Variants in SAMD5 observed in about 807,000 individuals in gnomAD.
SAMD5 encodes the protein sterile alpha motif domain-containing protein 5.
Under a neutral mutation model 11.3 loss-of-function variants are expected in SAMD5, and 13 were observed. That is an observed-to-expected ratio of 1.15 (90% CI 0.75 to 1.83). The LOEUF (loss-of-function observed/expected upper bound fraction) is 1.83, where lower values mean the gene tolerates loss of function less well. SAMD5 is among the 40% of genes most tolerant of loss of function. SAMD5 has a pLI of 0.00. For synonymous variants in SAMD5, 129 were observed against 111.3 expected, an observed-to-expected ratio of 1.16 and a Z score of -1.00; for missense variants, 255 against 239.1, an observed-to-expected ratio of 1.07 and a Z score of -0.44.
intron 1 of SAMD5, among the ~76,000 whole-genome samples, chr6:147,646,038 C>G (rs914810754): frequency 1.8e-4 from 20 of 112,390 alleles, no homozygotes; most frequent in Middle Eastern, 4.1e-3. Context: ...ATCTATCTAT[C>G]TATCTATCTA....
Position 147,617,041 on chromosome 6 carries a change from T to C in SAMD5, c.162+107654T>C, listed in dbSNP as rs531480312. The stretch of plus-strand genomic sequence containing the variant: ...GCAAGTTGAAATTATGGGACAAAAG[T>C]TTCTCCTTGGTAATTTAATTATTGA... On this transcript the variant is annotated intron_variant, in intron 1 of 1. Transcript: ENST00000566741. Among the ~76,000 whole-genome samples the C allele has an allele frequency of 1.0e-3, 154 of 152,278 alleles. 3 individuals are homozygous for C. The highest frequency in any genetic ancestry group is 3.4e-3 in the Middle Eastern group (1 of 294).
At chr6:147,617,389 G>A (rs1789888911) in intron 1 of SAMD5, among the ~76,000 whole-genome samples, 1 of 152,136 alleles carries the variant, frequency 6.6e-6, no homozygotes, top group African/African-American at 2.4e-5. Flanking sequence ...CCCGGAAAAA[G>A]CAACTTTTCT....
At chr6:147,534,795 C>T in intron 1 of SAMD5, among the ~76,000 whole-genome samples, 1 of 152,126 alleles carries the variant, frequency 6.6e-6, no homozygotes, top group South Asian at 2.1e-4. Context: ...ATCTTGGTCA[C>T]CTCTATCTGC....
At chr6:147,879,156 C>T in the SAMD5 span, among the ~76,000 whole-genome samples, 2 of 152,172 alleles carry the variant, frequency 1.3e-5, no homozygotes, top group African/African-American at 4.8e-5. Context: ...ACTGTTACTG[C>T]CCCCTGTTTT....
chr6:147,810,103 G>A, the SAMD5 span, among the ~76,000 whole-genome samples: 1 of 152,082 alleles, frequency 6.6e-6, no homozygotes, highest in South Asian at 2.1e-4. Context: ...AAAATGAGAG[G>A]TATTTTGATT....
the SAMD5 span, among the ~76,000 whole-genome samples, chr6:147,913,894 C>T: frequency 1.3e-5 from 2 of 152,156 alleles, no homozygotes; most frequent in South Asian, 4.1e-4. Flanking sequence ...TGCGTGCTTC[C>T]TAATTCACTC....
At chr6:147,649,329 G>T (rs955198075) in intron 1 of SAMD5, among the ~76,000 whole-genome samples, 1 of 152,114 alleles carries the variant, frequency 6.6e-6, no homozygotes, top group African/African-American at 2.4e-5. Context: ...CATATGCTTA[G>T]CTGACTTCCA....
At chr6:147,552,428 A>C (rs1788789215) in intron 1 of SAMD5, among the ~76,000 whole-genome samples, 1 of 152,200 alleles carries the variant, frequency 6.6e-6, no homozygotes, top group South Asian at 2.1e-4. Context: ...TAAGAATCCA[A>C]TTTCCACTTC....
chr6:147,516,266 G>A (rs929611253), intron 1 of SAMD5, among the ~76,000 whole-genome samples: 32 of 152,084 alleles, frequency 2.1e-4, no homozygotes, highest in African/African-American at 7.2e-4. Flanking sequence ...CCATCTCCCC[G>A]ACTAAGAAAA....
chr6:147,940,202 ATT>A, the SAMD5 span, among the ~76,000 whole-genome samples: 17,464 of 132,906 alleles, frequency 0.13, 1,172 homozygotes, highest in South Asian at 0.3. Context: ...GGCAGAATTC[ATT>A]TTTTTTTTTT....
the SAMD5 span, among the ~76,000 whole-genome samples, chr6:147,886,093 C>G: frequency 6.6e-6 from 1 of 152,046 alleles, no homozygotes; most frequent in African/African-American, 2.4e-5. Flanking sequence ...CAAATGAAAT[C>G]CAACTGTGTA....
chr6:147,610,871 A>ATTT (rs35348058), intron 1 of SAMD5, among the ~76,000 whole-genome samples: 12 of 142,562 alleles, frequency 8.4e-5, no homozygotes, highest in Non-Finnish European at 1.2e-4. Context: ...AAAAGCCAGA[A>ATTT]TTTTTTTTTT....
chr6:147,837,090 T>C, the SAMD5 span, among the ~76,000 whole-genome samples: 1 of 152,178 alleles, frequency 6.6e-6, no homozygotes, highest in African/African-American at 2.4e-5. Flanking sequence ...AGACTCACAT[T>C]TGAGTTAGCA....
At chr6:147,739,325 G>A (rs1791846575), downstream of SAMD5, among the ~76,000 whole-genome samples, 1 of 152,214 alleles carries the variant, frequency 6.6e-6, no homozygotes, top group Admixed American at 6.5e-5. Context: ...GCCAAGCACA[G>A]TGGCTCACAC....
intron 1 of SAMD5, among the ~76,000 whole-genome samples, chr6:147,631,682 G>A (rs1431023679): frequency 6.6e-6 from 1 of 152,130 alleles, no homozygotes; most frequent in Non-Finnish European, 1.5e-5. Context: ...CCCACCCAGT[G>A]AAAGTGTCTA....
chr6:147,638,480 C>A (rs1322509214), intron 1 of SAMD5, among the ~76,000 whole-genome samples: 2 of 152,188 alleles, frequency 1.3e-5, no homozygotes, highest in East Asian at 1.9e-4. Context: ...CCTTTGAAAA[C>A]CCTGATGAGG....
chr6:147,671,677 A>G (rs930345945), intron 1 of SAMD5, among the ~76,000 whole-genome samples: 1 of 152,086 alleles, frequency 6.6e-6, no homozygotes, highest in African/African-American at 2.4e-5. Flanking sequence ...CAAGCCACCC[A>G]TTACTTAATT....
Position 147,685,000 on chromosome 6 carries a change from T to TA in SAMD5, c.163-52310dup, listed in dbSNP as rs199741883. Among the ~76,000 whole-genome samples the TA allele has an allele frequency of 7.0e-3, 1,069 of 152,294 alleles. 19 individuals carry two copies. The highest frequency in any genetic ancestry group is 0.025 in the African/African-American group (1,019 of 41,562). Reference sequence around the variant, plus strand: ...AATTAAAATGTTTTCTCTTTCTTTGTAAAAAAATTGAATAATAGTAGTTTG... The same window carrying TA: ...AATTAAAATGTTTTCTCTTTCTTTGTAAAAAAAATTGAATAATAGTAGTTTG... On this transcript the variant is annotated intron_variant, in intron 1 of 1. Coordinates refer to the SAMD5 transcript ENST00000566741.
chr6:147,687,161 A>G (rs1791023543), intron 1 of SAMD5, among the ~76,000 whole-genome samples: 2 of 151,770 alleles, frequency 1.3e-5, no homozygotes, highest in South Asian at 2.1e-4. Flanking sequence ...CATAATTACT[A>G]TTCATTTACA....
Sources: gnomAD v4.1 joint callset for allele counts (sites outside exome capture counted in the v4.1 genomes callset) on GRCh38, gnomAD v4.1.1 for gene constraint, MANE v1.5 for transcripts, NCBI Gene and HGNC (gene_info 2026-07-23, HGNC 2026-07-21) for gene names.